Variants in GALNT13 observed in about 807,000 individuals in gnomAD.
GALNT13 encodes the protein polypeptide N-acetylgalactosaminyltransferase 13.
GALNT13 carries 28 observed loss-of-function variants against 64.2 expected under a neutral mutation model. That is an observed-to-expected ratio of 0.44 (90% confidence interval 0.32 to 0.60). GALNT13 has a LOEUF of 0.60. Ranked by LOEUF, GALNT13 falls within the 20% of genes least tolerant of loss-of-function variation. GALNT13 has a pLI of 0.05. For synonymous variants in GALNT13, 214 were observed against 224.6 expected, an observed-to-expected ratio of 0.95 and a Z score of 0.42; for missense variants, 577 against 669.8, an observed-to-expected ratio of 0.86 and a Z score of 1.53.
the GALNT13 span, among the ~76,000 whole-genome samples, chr2:153,153,417 T>C: frequency 6.6e-5 from 10 of 152,126 alleles, no homozygotes; most frequent in Admixed American, 5.9e-4. Context: ...TGTCAATTTT[T>C]ACTTTTGTTG....
At chr2:153,647,990 C>T in the GALNT13 span, among the ~76,000 whole-genome samples, 26,174 of 152,008 alleles carry the variant, frequency 0.17, 2,785 homozygotes, top group Non-Finnish European at 0.23. Context: ...TAGTTTTTTC[C>T]AATTCTGTGA....
At chr2:153,654,349 A>G in the GALNT13 span, among the ~76,000 whole-genome samples, 1 of 152,092 alleles carries the variant, frequency 6.6e-6, no homozygotes, top group African/African-American at 2.4e-5. Flanking sequence ...ATATAGAAAA[A>G]TTGTATCATG....
intron 3 of GALNT13, among the ~76,000 whole-genome samples, chr2:153,977,527 G>C (rs1051855775): frequency 2.0e-5 from 3 of 152,056 alleles, no homozygotes; most frequent in Non-Finnish European, 4.4e-5. Flanking sequence ...AACAGGATGG[G>C]GGAAACCACC....
At chr2:153,386,078 T>G in the GALNT13 span, among the ~76,000 whole-genome samples, 21,225 of 151,324 alleles carry the variant, frequency 0.14, 1,531 homozygotes, top group Non-Finnish European at 0.15. Context: ...TTTGGGGGGG[T>G]TTTTTGTAGA....
At chr2:153,669,216 C>G in the GALNT13 span, among the ~76,000 whole-genome samples, 1 of 152,176 alleles carries the variant, frequency 6.6e-6, no homozygotes, top group Non-Finnish European at 1.5e-5. Flanking sequence ...CTCCCCATAC[C>G]ACTTTGTTAG....
intron 4 of GALNT13, among the ~76,000 whole-genome samples, chr2:154,171,948 A>T (rs1685370422): frequency 6.8e-6 from 1 of 148,104 alleles, no homozygotes; most frequent in African/African-American, 2.5e-5. Flanking sequence ...TGCTCAATAC[A>T]AAAATTAAAT....
intron 11 of GALNT13, among the ~76,000 whole-genome samples, chr2:154,426,333 T>C (rs1700470024): frequency 6.6e-6 from 1 of 152,174 alleles, no homozygotes; most frequent in African/African-American, 2.4e-5. Context: ...AGAGTCCCTC[T>C]CTTCAGTGCT....
At chr2:153,383,434 T>G in the GALNT13 span, among the ~76,000 whole-genome samples, 1 of 152,080 alleles carries the variant, frequency 6.6e-6, no homozygotes, top group African/African-American at 2.4e-5. Flanking sequence ...TTTTGAAAAT[T>G]AACCAAGGTT....
chr2:153,282,355 T>A, the GALNT13 span, among the ~76,000 whole-genome samples: 1 of 152,350 alleles, frequency 6.6e-6, no homozygotes, highest in Non-Finnish European at 1.5e-5. Flanking sequence ...CATGCTTTGC[T>A]TCCTTTATCT....
At chr2:153,725,007 G>A in the GALNT13 span, among the ~76,000 whole-genome samples, 5 of 151,366 alleles carry the variant, frequency 3.3e-5, no homozygotes, top group East Asian at 1.9e-4. Context: ...ACATGCACAC[G>A]TATGTTTATT....
chr2:153,351,393 A>G, the GALNT13 span, among the ~76,000 whole-genome samples: 12 of 152,164 alleles, frequency 7.9e-5, no homozygotes, highest in African/African-American at 2.9e-4. Flanking sequence ...TAGAACATGC[A>G]TAGCCTCTCC....
intron 4 of GALNT13, among the ~76,000 whole-genome samples, chr2:154,146,835 C>G (rs1199832752): frequency 6.6e-6 from 1 of 152,064 alleles, no homozygotes; most frequent in African/African-American, 2.4e-5. Flanking sequence ...AACCCTTTTC[C>G]TTTGTCTTGC....
the GALNT13 span, among the ~76,000 whole-genome samples, chr2:153,136,661 C>T: frequency 6.6e-6 from 1 of 151,992 alleles, no homozygotes; most frequent in Non-Finnish European, 1.5e-5. Flanking sequence ...AGTTATTTAA[C>T]ATTTTCATAA....
intron 8 of GALNT13, among the ~76,000 whole-genome samples, chr2:154,269,924 A>ATATATATG (rs1559059306): frequency 1.5e-5 from 2 of 136,722 alleles, no homozygotes; most frequent in Middle Eastern, 4.1e-3. Flanking sequence ...ATATATATAT[A>ATATATATG]TTTCTAAAGC....
chr2:153,172,674 T>C, the GALNT13 span, among the ~76,000 whole-genome samples: 1 of 152,146 alleles, frequency 6.6e-6, no homozygotes, highest in Non-Finnish European at 1.5e-5. Flanking sequence ...TGTTTTTCAT[T>C]AAGGGCTAGA....
chr2:153,850,432 A>G, the GALNT13 span, among the ~76,000 whole-genome samples: 1 of 152,210 alleles, frequency 6.6e-6, no homozygotes, highest in African/African-American at 2.4e-5. Context: ...AAACAAATTA[A>G]CCGTGTCTCA....
chr2:154,375,441 C>T (rs1697933926), intron 9 of GALNT13, among the ~76,000 whole-genome samples: 1 of 152,076 alleles, frequency 6.6e-6, no homozygotes, highest in Non-Finnish European at 1.5e-5. Flanking sequence ...TTGCTCATTC[C>T]AGGAGGATCT....
intron 9 of GALNT13, among the ~76,000 whole-genome samples, chr2:154,361,262 A>G (rs746225453): frequency 6.6e-6 from 1 of 152,138 alleles, no homozygotes. Context: ...TATACGGTTT[A>G]TATGCATATA....
chr2:154,183,896 T>G (rs200320742), intron 4 of GALNT13, among the ~76,000 whole-genome samples: 2 of 152,106 alleles, frequency 1.3e-5, no homozygotes, highest in East Asian at 3.8e-4. Flanking sequence ...TTTTTCTAGT[T>G]CTTTGAAATG....
Sources: gnomAD v4.1 joint callset for allele counts (sites outside exome capture counted in the v4.1 genomes callset) on GRCh38, gnomAD v4.1.1 for gene constraint, MANE v1.5 for transcripts, NCBI Gene and HGNC (gene_info 2026-07-23, HGNC 2026-07-21) for gene names.